PDE4B: variants seen among roughly 807,000 people sequenced by gnomAD.
PDE4B encodes phosphodiesterase 4B.
Under a neutral mutation model 82.2 loss-of-function variants are expected in PDE4B, and 20 were observed. That is an observed-to-expected ratio of 0.24 (90% CI 0.17 to 0.35). PDE4B has a LOEUF of 0.35. PDE4B is among the 10% of genes least tolerant of loss of function. PDE4B has a pLI of 1.00. For missense variants in PDE4B, 655 were observed against 907.2 expected, an observed-to-expected ratio of 0.72 and a Z score of 3.57; for synonymous variants, 320 against 318.9, an observed-to-expected ratio of 1.00 and a Z score of -0.04.
At chr1:65,889,589 C>G (rs1056557709) in intron 1 of PDE4B, among the ~76,000 whole-genome samples, 2 of 152,024 alleles carry the variant, frequency 1.3e-5, no homozygotes, top group Non-Finnish European at 2.9e-5. Context: ...GGAATTGAAG[C>G]CAAGGAAAAC....
At chr1:66,106,026 A>G (rs1645344893) in intron 3 of PDE4B, among the ~76,000 whole-genome samples, 1 of 152,070 alleles carries the variant, frequency 6.6e-6, no homozygotes, top group African/African-American at 2.4e-5. Flanking sequence ...CCAGTTTTCA[A>G]AGGGAATGCT....
intron 3 of PDE4B, among the ~76,000 whole-genome samples, chr1:65,921,181 G>T (rs980489196): frequency 6.6e-6 from 1 of 151,454 alleles, no homozygotes; most frequent in Non-Finnish European, 1.5e-5. Context: ...TTTTAGCCGG[G>T]ATGGTCTCGA....
intron 3 of PDE4B, among the ~76,000 whole-genome samples, chr1:65,997,635 T>A (rs1339770186): frequency 6.6e-6 from 1 of 152,214 alleles, no homozygotes; most frequent in Non-Finnish European, 1.5e-5. Context: ...ATATTGGAAA[T>A]TTTTTGAGAG....
At chr1:66,149,396 A>C (rs1033847822) in intron 3 of PDE4B, among the ~76,000 whole-genome samples, 1 of 152,156 alleles carries the variant, frequency 6.6e-6, no homozygotes, top group African/African-American at 2.4e-5. Context: ...ATTTTCTCCT[A>C]TTCTATGGAT....
chr1:65,968,101 A>G (rs1649942983), intron 3 of PDE4B, among the ~76,000 whole-genome samples: 1 of 152,184 alleles, frequency 6.6e-6, no homozygotes, highest in South Asian at 2.1e-4. Flanking sequence ...GCTAATACAT[A>G]GAATGACATA....
At chr1:65,958,764 G>GCACACA (rs542680325) in intron 3 of PDE4B, among the ~76,000 whole-genome samples, 5 of 150,922 alleles carry the variant, frequency 3.3e-5, no homozygotes, top group African/African-American at 7.4e-5. Flanking sequence ...GCGCGCGCGC[G>GCACACA]CACACACATA....
At chr1:65,832,543 G>A (rs1156465600) in intron 1 of PDE4B, among the ~76,000 whole-genome samples, 1 of 152,142 alleles carries the variant, frequency 6.6e-6, no homozygotes, top group Non-Finnish European at 1.5e-5. Context: ...GTGGCATTCA[G>A]TGATTCAGTT....
At chr1:66,297,549 T>C (rs767368184) in intron 7 of PDE4B, among the ~76,000 whole-genome samples, 6 of 152,156 alleles carry the variant, frequency 3.9e-5, no homozygotes, top group Non-Finnish European at 4.4e-5. Flanking sequence ...AAAGAGATCC[T>C]CAAGAGAGCG....
intron 3 of PDE4B, among the ~76,000 whole-genome samples, chr1:66,049,179 A>G (rs1225136284): frequency 6.6e-6 from 1 of 152,038 alleles, no homozygotes; most frequent in East Asian, 1.9e-4. Context: ...CCTAATCATG[A>G]CAAAGTCACT....
At chr1:65,796,354 A>G (rs1237243779) in intron 1 of PDE4B, among the ~76,000 whole-genome samples, 1 of 152,148 alleles carries the variant, frequency 6.6e-6, no homozygotes. Flanking sequence ...CTCTGATGAT[A>G]TGAAAGTTGG....
chr1:66,104,901 C>G (rs1302606622), intron 3 of PDE4B, among the ~76,000 whole-genome samples: 1 of 146,646 alleles, frequency 6.8e-6, no homozygotes, highest in Non-Finnish European at 1.5e-5. Context: ...CCTGTTCACT[C>G]TGATGGTAGT....
At chr1:66,220,231 A>G (rs1300434438) in intron 3 of PDE4B, among the ~76,000 whole-genome samples, 4 of 152,180 alleles carry the variant, frequency 2.6e-5, no homozygotes, top group African/African-American at 9.6e-5. Context: ...GCTGATAAGA[A>G]GAATGCTCTT....
Position 66,076,277 on chromosome 1 carries a change from A to G in PDE4B, c.281+157442A>G, listed in dbSNP as rs149064771. Among the ~76,000 whole-genome samples, 60 of 152,248 alleles carry G rather than the reference A, an allele frequency of 3.9e-4. No homozygotes were observed. In the East Asian group the frequency reaches 0.011, roughly 28 times the overall value. On this transcript the variant is annotated intron_variant, in intron 3 of 16. Coordinates refer to ENST00000341517, the MANE Select transcript of PDE4B (RefSeq NM_002600.4). ...CCACTTGTAAGTGAGAACATGTAGT[A>G]TTTGGGTTTCCATTTCTGCATTAGT... is the stretch of plus-strand genomic sequence containing the variant.
At chr1:66,274,232 C>G (rs370207699) in intron 7 of PDE4B, among the ~76,000 whole-genome samples, 3 of 151,810 alleles carry the variant, frequency 2.0e-5, no homozygotes, top group African/African-American at 7.3e-5. Flanking sequence ...ACAATCTCAG[C>G]TCACTGCAAC....
In PDE4B at chr1:66,365,733, C is replaced by A. The variant is rs116379917; in HGVS notation, c.1351C>A (p.Pro451Thr). Reference sequence around the variant, plus strand: ...AGCTGCCATCCATGACGTTGATCATCCTGGAGTCTCCAATCAGTTTCTCAT... The same window carrying A: ...AGCTGCCATCCATGACGTTGATCATACTGGAGTCTCCAATCAGTTTCTCAT... Reference protein sequence around the residue: ...FAAAIHDVDHPGVSNQFLINT... With the variant: ...FAAAIHDVDHTGVSNQFLINT... The change falls in exon 13 of 17, where the codon CCT (proline) becomes ACT (threonine). Residue 451 changes from proline to threonine, a missense_variant. By Grantham distance (38) the Pro-to-Thr change is conservative. Coordinates refer to ENST00000341517, the MANE Select transcript of PDE4B (RefSeq NM_002600.4). 1 of 1,602,808 alleles carries A rather than the reference C, an allele frequency of 6.2e-7. No homozygotes were observed.
At chr1:66,220,086 C>T (rs1376200295) in intron 3 of PDE4B, among the ~76,000 whole-genome samples, 1 of 151,666 alleles carries the variant, frequency 6.6e-6, no homozygotes, top group Non-Finnish European at 1.5e-5. Flanking sequence ...GAAAAAGCTA[C>T]TTAATTACAG....
At chr1:65,828,511 G>T (rs1646044765) in intron 1 of PDE4B, among the ~76,000 whole-genome samples, 1 of 152,152 alleles carries the variant, frequency 6.6e-6, no homozygotes, top group Non-Finnish European at 1.5e-5. Flanking sequence ...CTCTGAAAGT[G>T]CTGGGATTAC....
chr1:65,869,261 G>A (rs189598588), intron 1 of PDE4B, among the ~76,000 whole-genome samples: 6 of 152,294 alleles, frequency 3.9e-5, no homozygotes, highest in Admixed American at 3.9e-4. Flanking sequence ...TCCATTCTGT[G>A]TCCTTGTTTC....
At chr1:66,262,064 A>G (rs1654720728) in intron 6 of PDE4B, among the ~76,000 whole-genome samples, 1 of 152,222 alleles carries the variant, frequency 6.6e-6, no homozygotes, top group Non-Finnish European at 1.5e-5. Context: ...TTGTATTAAC[A>G]TTCTTCCAAA....
Sources: allele counts gnomAD v4.1 joint callset (sites outside exome capture counted in the v4.1 genomes callset), GRCh38; gene constraint gnomAD v4.1.1; transcripts MANE v1.5; gene names NCBI Gene and HGNC (gene_info 2026-07-23, HGNC 2026-07-21).